Variants in SUGCT observed in about 807,000 individuals in gnomAD.
SUGCT encodes the protein succinyl-CoA:glutarate CoA-transferase.
Under a neutral mutation model 55.0 loss-of-function variants are expected in SUGCT, and 41 were observed. That is an observed-to-expected ratio of 0.74 (90% CI 0.58 to 0.97). SUGCT has a LOEUF of 0.97. Among genes scored for constraint, SUGCT ranks in the 50% least tolerant of loss-of-function variants. The probability of loss-of-function intolerance (pLI) is 0.00; values close to 1 mark genes in which losing one functional copy is unlikely to be tolerated. For missense variants in SUGCT, 568 were observed against 547.8 expected, an observed-to-expected ratio of 1.04 and a Z score of -0.37; for synonymous variants, 187 against 200.4, an observed-to-expected ratio of 0.93 and a Z score of 0.56.
At chr7:40,649,638 G>C (rs533008196) in intron 12 of SUGCT, among the ~76,000 whole-genome samples, 24 of 152,224 alleles carry the variant, frequency 1.6e-4, no homozygotes, top group African/African-American at 5.5e-4. Flanking sequence ...TTAATTGGTT[G>C]AATAGCTGAT....
At chr7:40,862,672 G>A (rs1320229858), downstream of SUGCT, among the ~76,000 whole-genome samples, 3 of 151,818 alleles carry the variant, frequency 2.0e-5, no homozygotes, top group Non-Finnish European at 4.4e-5. Context: ...CTGAAACTCA[G>A]TGGGGTAATC....
At chr7:40,684,935 A>G (rs1784401231) in intron 12 of SUGCT, among the ~76,000 whole-genome samples, 1 of 152,154 alleles carries the variant, frequency 6.6e-6, no homozygotes, top group Non-Finnish European at 1.5e-5. Flanking sequence ...GGTTCAAGCA[A>G]TTCTCCTCTC....
At chr7:40,890,141 G>A in the SUGCT span, among the ~76,000 whole-genome samples, 1 of 149,556 alleles carries the variant, frequency 6.7e-6, no homozygotes, top group African/African-American at 2.5e-5. Context: ...GCAACTGAGA[G>A]GTAAGCCTAA....
intron 13 of SUGCT, among the ~76,000 whole-genome samples, chr7:40,755,676 A>T (rs936085405): frequency 1.1e-4 from 17 of 152,152 alleles, no homozygotes; most frequent in African/African-American, 4.1e-4. Flanking sequence ...ATAGAGTTTG[A>T]TGTGTAGCTC....
At chr7:40,200,501 G>A (rs773502102) in intron 6 of SUGCT, among the ~76,000 whole-genome samples, 27 of 152,192 alleles carry the variant, frequency 1.8e-4, no homozygotes, top group Non-Finnish European at 3.5e-4. Flanking sequence ...ATGAGCAAGG[G>A]GAGAAGTGAT....
At chr7:40,620,795 A>G (rs1799228898) in intron 12 of SUGCT, among the ~76,000 whole-genome samples, 1 of 152,144 alleles carries the variant, frequency 6.6e-6, no homozygotes, top group Non-Finnish European at 1.5e-5. Context: ...ACACAAATAG[A>G]TTGTTAAGTG....
At chr7:40,253,864 C>A (rs2150941492) in intron 7 of SUGCT, among the ~76,000 whole-genome samples, 1 of 152,316 alleles carries the variant, frequency 6.6e-6, no homozygotes, top group Admixed American at 6.5e-5. Flanking sequence ...TTCAGGGAAC[C>A]TGCAAATAAA....
chr7:40,213,442 CTT>C (rs1381987120), intron 6 of SUGCT, among the ~76,000 whole-genome samples: 1 of 152,202 alleles, frequency 6.6e-6, no homozygotes, highest in Non-Finnish European at 1.5e-5. Context: ...GTACCCTTCT[CTT>C]TTCATCATGT....
the SUGCT span, among the ~76,000 whole-genome samples, chr7:40,949,547 T>C: frequency 2.6e-5 from 4 of 152,242 alleles, no homozygotes; most frequent in Non-Finnish European, 5.9e-5. Flanking sequence ...ATGTCCTAAA[T>C]GGTATTGCCT....
At chr7:40,868,903 A>G in the SUGCT span, among the ~76,000 whole-genome samples, 1 of 152,236 alleles carries the variant, frequency 6.6e-6, no homozygotes. Flanking sequence ...TTTTAGATTT[A>G]CAAAAAATGC....
the SUGCT span, among the ~76,000 whole-genome samples, chr7:40,940,595 C>A: frequency 3.9e-5 from 6 of 151,992 alleles, no homozygotes; most frequent in Non-Finnish European, 7.4e-5. Context: ...AGATCTTTCA[C>A]CTTCTTGGTT....
chr7:40,851,483 T>G (rs1299213432), intron 13 of SUGCT, among the ~76,000 whole-genome samples: 4 of 152,216 alleles, frequency 2.6e-5, no homozygotes, highest in Non-Finnish European at 5.9e-5. Flanking sequence ...CACCTACCTC[T>G]GCATTTTGTC....
At chr7:40,538,476 A>G (rs1041757846) in intron 12 of SUGCT, 29 of 152,108 alleles carry the variant, frequency 1.9e-4, no homozygotes, top group African/African-American at 6.8e-4. Flanking sequence ...TCCTTCCTAA[A>G]ATGGTCTCAA....
intron 12 of SUGCT, among the ~76,000 whole-genome samples, chr7:40,713,421 C>T (rs1298898820): frequency 2.0e-5 from 3 of 152,154 alleles, no homozygotes; most frequent in African/African-American, 7.2e-5. Flanking sequence ...TTCTGCAGGC[C>T]TCTTTGATTA....
intron 9 of SUGCT, among the ~76,000 whole-genome samples, chr7:40,364,662 T>C (rs1456434894): frequency 6.6e-6 from 1 of 152,180 alleles, no homozygotes; most frequent in Non-Finnish European, 1.5e-5. Flanking sequence ...TTCTGGCTTG[T>C]AGAGTTTCTG....
intron 8 of SUGCT, among the ~76,000 whole-genome samples, chr7:40,285,225 G>T (rs1793243459): frequency 6.6e-6 from 1 of 152,086 alleles, no homozygotes; most frequent in Non-Finnish European, 1.5e-5. Context: ...AAAAGAAATA[G>T]AAATGGAAAG....
At chr7:40,322,872 G>T (rs1795824680) in intron 9 of SUGCT, among the ~76,000 whole-genome samples, 5 of 151,700 alleles carry the variant, frequency 3.3e-5, no homozygotes, top group East Asian at 1.9e-4. Context: ...AGGATTGCTT[G>T]AGCCTCCCAC....
chr7:40,449,241 T>A (rs1789053687), intron 9 of SUGCT, 46 bp from the exon 10 acceptor site: 1 of 1,352,664 alleles, frequency 7.4e-7, no homozygotes. Context: ...TTTTGTGGTC[T>A]TGTCAACATA....
At chr7:40,701,216 G>C (rs942450905) in intron 12 of SUGCT, among the ~76,000 whole-genome samples, 5 of 152,164 alleles carry the variant, frequency 3.3e-5, no homozygotes, top group African/African-American at 1.2e-4. Context: ...ACTCTCATTT[G>C]ATGCCTCCTA....
Sources: gnomAD v4.1 joint callset for allele counts (sites outside exome capture counted in the v4.1 genomes callset) on GRCh38, gnomAD v4.1.1 for gene constraint, MANE v1.5 for transcripts, NCBI Gene and HGNC (gene_info 2026-07-23, HGNC 2026-07-21) for gene names.